The following SLC30A8 variants were observed in gnomAD, a reference collection of about 807,000 sequenced individuals.
The protein encoded by SLC30A8 is solute carrier family 30 member 8, also known as proton-coupled zinc antiporter SLC30A8.
SLC30A8 carries 27 observed loss-of-function variants against 36.9 expected under a neutral mutation model. The observed-to-expected ratio is 0.73, with a 90% CI of 0.54 to 1.01. SLC30A8 has a LOEUF of 1.01. SLC30A8 is among the 50% of genes least tolerant of loss of function. The pLI, the probability that SLC30A8 is intolerant of heterozygous loss-of-function variation, is 0.00. For missense variants in SLC30A8, 439 were observed against 452.0 expected (o/e 0.97, Z 0.26); for synonymous variants, 164 against 172.4 (o/e 0.95, Z 0.38).
chr8:116,998,120 G>A (rs144543720), intron 1 of SLC30A8, among the ~76,000 whole-genome samples: 1 of 152,324 alleles, frequency 6.6e-6, no homozygotes, highest in African/African-American at 2.4e-5. Context: ...ATTCTTCAAG[G>A]TGATGTAGTA....
chr8:117,095,715 T>C (rs1267996935), intron 2 of SLC30A8, among the ~76,000 whole-genome samples: 2 of 152,190 alleles, frequency 1.3e-5, no homozygotes, highest in African/African-American at 4.8e-5. Flanking sequence ...GCAATATTTA[T>C]TGAGGGCTTC....
intron 2 of SLC30A8, among the ~76,000 whole-genome samples, chr8:117,092,804 A>C (rs7841084): frequency 0.033 from 5,004 of 152,124 alleles, 193 homozygotes; most frequent in African/African-American, 0.097. Flanking sequence ...CCTGAGCAAA[A>C]CTCCATTTTG....
intron 2 of SLC30A8, among the ~76,000 whole-genome samples, chr8:117,113,275 T>C (rs1820308182): frequency 6.6e-6 from 1 of 152,156 alleles, no homozygotes; most frequent in African/African-American, 2.4e-5. Flanking sequence ...AATAATGAAC[T>C]AGTGGTTTAG....
At chr8:117,044,682 G>GCT (rs35349837) in intron 2 of SLC30A8, among the ~76,000 whole-genome samples, 18,569 of 152,210 alleles carry the variant, frequency 0.12, 1,438 homozygotes, top group Non-Finnish European at 0.17. Flanking sequence ...GAAAAATAGG[G>GCT]CTCTCTTCTT....
intron 2 of SLC30A8, among the ~76,000 whole-genome samples, chr8:117,086,393 G>C (rs1818879094): frequency 6.6e-6 from 1 of 152,172 alleles, no homozygotes; most frequent in Non-Finnish European, 1.5e-5. Flanking sequence ...TGCTTTAAAA[G>C]TCTAAGCATG....
chr8:117,020,301 TAGAA>T (rs945803340), intron 1 of SLC30A8, among the ~76,000 whole-genome samples: 13 of 152,248 alleles, frequency 8.5e-5, no homozygotes, highest in Admixed American at 2.6e-4. Flanking sequence ...TGATAAATAA[TAGAA>T]AGACAAATAT....
chr8:116,965,305 G>A lies in SLC30A8; in HGVS notation c.-266+14186G>A, dbSNP rs181240075. Among the ~76,000 whole-genome samples the A allele has an allele frequency of 1.6e-4, 24 of 152,292 alleles. No homozygotes were observed. The East Asian group carries it at 4.0e-3, about 26-fold the overall frequency. ...CTCCAAAGGCTAAGTAATCAGCAAAGCTAAAATACAAACTGAAGGATAGTT... is the reference window on the plus strand; with the variant it reads ...CTCCAAAGGCTAAGTAATCAGCAAAACTAAAATACAAACTGAAGGATAGTT... On this transcript the variant is annotated intron_variant, in intron 1 of 10. Transcript: ENST00000427715.
At chr8:117,018,504 C>T (rs1009941756) in intron 1 of SLC30A8, among the ~76,000 whole-genome samples, 1 of 152,092 alleles carries the variant, frequency 6.6e-6, no homozygotes, top group Non-Finnish European at 1.5e-5. Flanking sequence ...GGGGTTGGCG[C>T]CACCATGTTT....
intron 2 of SLC30A8, among the ~76,000 whole-genome samples, chr8:117,075,006 C>T (rs1348977794): frequency 2.0e-5 from 3 of 152,068 alleles, no homozygotes; most frequent in African/African-American, 7.2e-5. Flanking sequence ...AGAAAACCAA[C>T]AGCAACAGTC....
intron 6 of SLC30A8, among the ~76,000 whole-genome samples, chr8:117,166,501 C>T (rs1823062044): frequency 6.6e-6 from 1 of 152,140 alleles, no homozygotes; most frequent in African/African-American, 2.4e-5. Context: ...TTTATTGAAA[C>T]ACAGATATCT....
At chr8:117,136,396 T>C (rs893783687) in intron 1 of SLC30A8, among the ~76,000 whole-genome samples, 4 of 151,916 alleles carry the variant, frequency 2.6e-5, no homozygotes, top group Non-Finnish European at 4.4e-5. Flanking sequence ...CTGAAAAGAA[T>C]TGATGTTAGA....
At chr8:117,094,526 A>G (rs1036939151) in intron 2 of SLC30A8, among the ~76,000 whole-genome samples, 1 of 152,152 alleles carries the variant, frequency 6.6e-6, no homozygotes, top group Non-Finnish European at 1.5e-5. Flanking sequence ...TGTTGTGGGT[A>G]GTTCCTCTTT....
intron 1 of SLC30A8, 21 bp from the exon 2 acceptor site, chr8:117,146,933 T>G: frequency 1.2e-6 from 2 of 1,613,448 alleles, no homozygotes; most frequent in Non-Finnish European, 1.7e-6. Flanking sequence ...CACTTCTTGC[T>G]TCTGTCAAAC....
intron 2 of SLC30A8, among the ~76,000 whole-genome samples, chr8:117,066,103 C>T (rs919343082): frequency 1.3e-4 from 20 of 152,164 alleles, no homozygotes; most frequent in African/African-American, 4.8e-4. Flanking sequence ...CTTGCTGACC[C>T]ATGGGATGTC....
rs1218063588 is a variant in SLC30A8 at position 117,172,785 on chromosome 8, T to C, written c.*104T>C. ...ATAAGGAACCAAAGGAAGAAATTCA[T>C]GTCATGGTGCAATGCACATTTTATC... On this transcript the variant is annotated 3_prime_UTR_variant, in exon 8 of 8. Coordinates refer to ENST00000456015, the MANE Select transcript of SLC30A8 (RefSeq NM_173851.3). 1 of 1,367,584 alleles carries C rather than the reference T, an allele frequency of 7.3e-7. No individual in the cohort carries two copies. Among genetic ancestry groups the C allele is most frequent in the African/African-American group, 1.5e-5 (1 of 68,708 alleles). 84.7% of individuals were successfully genotyped at this position (1,367,584 alleles called of 1,614,324 possible).
chr8:116,996,830 G>A (rs943935564), intron 1 of SLC30A8, among the ~76,000 whole-genome samples: 4 of 152,134 alleles, frequency 2.6e-5, no homozygotes, highest in Admixed American at 2.0e-4. Context: ...CAGGCATTTG[G>A]AAAGGCATGC....
chr8:116,992,553 G>C (rs1815679602), intron 1 of SLC30A8, among the ~76,000 whole-genome samples: 1 of 152,120 alleles, frequency 6.6e-6, no homozygotes. Context: ...AAGTGTCATG[G>C]GTGGGAGGGA....
At chr8:117,005,826 C>T (rs1816155230) in intron 1 of SLC30A8, among the ~76,000 whole-genome samples, 1 of 152,194 alleles carries the variant, frequency 6.6e-6, no homozygotes, top group Non-Finnish European at 1.5e-5. Flanking sequence ...ATTTCGTCAA[C>T]TTCATGAAAC....
intron 2 of SLC30A8, among the ~76,000 whole-genome samples, chr8:117,114,177 T>C (rs1259076539): frequency 6.6e-6 from 1 of 152,132 alleles, no homozygotes; most frequent in Non-Finnish European, 1.5e-5. Flanking sequence ...CAAACATTTA[T>C]ATTGTTTCTC....
Sources: allele counts gnomAD v4.1 joint callset (sites outside exome capture counted in the v4.1 genomes callset), GRCh38; gene constraint gnomAD v4.1.1; transcripts MANE v1.5; gene names NCBI Gene and HGNC (gene_info 2026-07-23, HGNC 2026-07-21).